PCDHGB2: variants seen among roughly 807,000 people sequenced by gnomAD.
PCDHGB2 encodes the protein protocadherin gamma-B2.
Under a neutral mutation model 59.3 loss-of-function variants are expected in PCDHGB2, and 55 were observed. That is an observed-to-expected ratio of 0.93 (90% CI 0.75 to 1.16). PCDHGB2 has a LOEUF of 1.16. Among genes scored for constraint, PCDHGB2 ranks in the 50% most tolerant of loss-of-function variants. PCDHGB2 has a pLI of 0.00. For missense variants in PCDHGB2, 1,228 were observed against 1,198.5 expected (o/e 1.02, Z -0.36); for synonymous variants, 516 against 512.0 (o/e 1.01, Z -0.11).
chr5:141,389,875 A>G (rs753159908), intron 1 of PCDHGB2: 2 of 1,613,946 alleles, frequency 1.2e-6, no homozygotes, highest in African/African-American at 2.7e-5. Flanking sequence ...GTCTTCGCCG[A>G]CAGCTTGCAG....
Position 141,361,727 on chromosome 5 carries a change from C to A in PCDHGB2, c.1592C>A (p.Thr531Lys). The change falls in exon 1 of 4, where the codon ACA (threonine) becomes AAA (lysine). Residue 531 changes from threonine (T) to lysine (K), a missense_variant. By Grantham distance (78) the Thr-to-Lys change is moderately conservative. Coordinates refer to ENST00000522605, the MANE Select transcript of PCDHGB2 (RefSeq NM_018923.3). ...DHEQLRAFELTLQARDQGSPA... is the reference protein window; with the variant it reads ...DHEQLRAFELKLQARDQGSPA... ...GAGCAGCTGCGCGCCTTCGAGCTCA[C>A]ACTGCAGGCCCGCGACCAGGGCTCG... 6.2e-7 allele frequency: 1 copy of A among 1,613,274 alleles called. No homozygotes were observed. The highest frequency in any genetic ancestry group is 8.5e-7 in the Non-Finnish European group (1 of 1,179,810).
intron 1 of PCDHGB2, among the ~76,000 whole-genome samples, chr5:141,472,935 A>G (rs1593400204): frequency 6.6e-6 from 1 of 150,778 alleles, no homozygotes; most frequent in East Asian, 1.9e-4. Context: ...GTGGTGAGCC[A>G]AGATTATGCC....
At position 141,432,307 on chromosome 5, in the gene PCDHGB2, G is replaced by A. The variant is rs2097484688; in HGVS notation, c.2422-62500G>A. On this transcript the variant is annotated intron_variant, in intron 1 of 3. Transcript: ENST00000522605. The surrounding 1 kb of genome is among the most constrained non-coding windows in gnomAD (Gnocchi z 6.0). ...ACTCCGACACTGGGGTACTGTATGC[G>A]CTGAGCTCCTTCGACTACGAGCAGT... The A allele has an allele frequency of 5.0e-6, 8 of 1,614,240 alleles. No individual in the cohort carries two copies. Among genetic ancestry groups the A allele is most frequent in the South Asian group, 1.1e-5 (1 of 91,086 alleles).
At chr5:141,410,295 T>A (rs1043971768) in intron 1 of PCDHGB2, 1 of 1,613,982 alleles carries the variant, frequency 6.2e-7, no homozygotes, top group Admixed American at 1.7e-5. Flanking sequence ...GCCTTGGCCT[T>A]AATCTCAGTG....
chr5:141,410,086 G>A (rs759204005), intron 1 of PCDHGB2: 3 of 1,612,588 alleles, frequency 1.9e-6, no homozygotes, highest in Non-Finnish European at 2.5e-6. Flanking sequence ...AGGTGCGCAC[G>A]GCTCGAGCCT....
chr5:141,409,164 C>G (rs115772303), intron 1 of PCDHGB2: 18 of 1,613,792 alleles, frequency 1.1e-5, no homozygotes, highest in Non-Finnish European at 1.4e-5. Flanking sequence ...GAAGTGGAAG[C>G]GAAGGACGGA....
chr5:141,491,143 C>A lies in PCDHGB2; in HGVS notation c.2422-3664C>A. 1.2e-6 allele frequency: 2 copies of A among 1,614,142 alleles called. No homozygotes were observed. Among genetic ancestry groups the A allele is most frequent in the South Asian group, 1.1e-5 (1 of 91,082 alleles). On this transcript the variant is annotated intron_variant, in intron 1 of 3. Transcript: ENST00000522605. This position sits in a 1 kb window ranked among gnomAD's most constrained non-coding sequence, Gnocchi z 6.9. ...TGAGGTGCGCACAGCCCGGGCCTTA[C>A]TGGAGGATGACTCTGACACCCAGCA... is the stretch of plus-strand genomic sequence containing the variant.
intron 1 of PCDHGB2, chr5:141,420,165 C>T: frequency 6.2e-7 from 1 of 1,614,022 alleles, no homozygotes; most frequent in South Asian, 1.1e-5. Flanking sequence ...AATTTTTTCA[C>T]ATCTGTTGAT....
intron 3 of PCDHGB2, among the ~76,000 whole-genome samples, chr5:141,509,065 T>A (rs1294546432): frequency 6.6e-6 from 1 of 152,018 alleles, no homozygotes; most frequent in Non-Finnish European, 1.5e-5. Context: ...AGCTCTCAGC[T>A]CCGGGGATTT....
At chr5:141,374,109 A>C (rs1422319467) in intron 1 of PCDHGB2, 1 of 1,576,270 alleles carries the variant, frequency 6.3e-7, no homozygotes, top group Admixed American at 1.8e-5. Flanking sequence ...AGGCATCCGC[A>C]GCGCAGCGAG....
chr5:141,365,027 C>T (rs1277837734), intron 1 of PCDHGB2: 1 of 1,613,896 alleles, frequency 6.2e-7, no homozygotes, highest in South Asian at 1.1e-5. Flanking sequence ...TGTTACGGTC[C>T]TCGACGCAAA....
In PCDHGB2 at chr5:141,431,627, C is replaced by T. The variant is rs769351473; in HGVS notation, c.2422-63180C>T. 2.5e-6 allele frequency: 4 copies of T among 1,614,076 alleles called. No homozygotes were observed. The South Asian group carries it at 4.4e-5, about 18-fold the overall frequency. On this transcript the variant is annotated intron_variant, in intron 1 of 3. Coordinates refer to ENST00000522605, the MANE Select transcript of PCDHGB2 (RefSeq NM_018923.3). The surrounding 1 kb of genome is among the most constrained non-coding windows in gnomAD (Gnocchi z 4.8). Reference sequence around the variant, plus strand: ...CCGGTATGTGGACGACAAGGCGGCCCAAGTTTTCAAACTAGATTGTAATTC... The same window carrying T: ...CCGGTATGTGGACGACAAGGCGGCCTAAGTTTTCAAACTAGATTGTAATTC...
At chr5:141,435,614 C>T (rs1274100711) in intron 1 of PCDHGB2, among the ~76,000 whole-genome samples, 1 of 152,056 alleles carries the variant, frequency 6.6e-6, no homozygotes, top group Non-Finnish European at 1.5e-5. Context: ...ACATTAAATT[C>T]CCCATAACTT....
Position 141,490,896 on chromosome 5 carries a change from G to A in PCDHGB2, c.2422-3911G>A. 6.2e-7 allele frequency: 1 copy of A among 1,613,938 alleles called. No homozygotes were observed. Among genetic ancestry groups the A allele is most frequent in the Non-Finnish European group, 8.5e-7 (1 of 1,179,922 alleles). ...TGCATGCCAACACATCTCTGCATGTGTTTGTCCTAGACGAGAATGATAATG... is the reference window on the plus strand; with the variant it reads ...TGCATGCCAACACATCTCTGCATGTATTTGTCCTAGACGAGAATGATAATG... On this transcript the variant is annotated intron_variant, in intron 1 of 3. Coordinates refer to ENST00000522605, the MANE Select transcript of PCDHGB2 (RefSeq NM_018923.3). This position sits in a 1 kb window ranked among gnomAD's most constrained non-coding sequence, Gnocchi z 5.4.
At chr5:141,472,408 G>T (rs780468341) in intron 1 of PCDHGB2, among the ~76,000 whole-genome samples, 1 of 152,064 alleles carries the variant, frequency 6.6e-6, no homozygotes, top group Non-Finnish European at 1.5e-5. Flanking sequence ...AGGCGTGGTG[G>T]CACGCACCTG....
intron 1 of PCDHGB2, among the ~76,000 whole-genome samples, chr5:141,447,747 C>A (rs1164160677): frequency 2.0e-5 from 3 of 152,106 alleles, no homozygotes; most frequent in Non-Finnish European, 4.4e-5. Flanking sequence ...AAGAGTCTTG[C>A]ATGTGACTGT....
At chr5:141,433,347 C>T (rs1207853986) in intron 1 of PCDHGB2, 3 of 626,596 alleles carry the variant, frequency 4.8e-6, no homozygotes, top group Non-Finnish European at 8.3e-6. Context: ...GTGCAAGCCA[C>T]CTACTGTCTG....
chr5:141,389,078 C>T, intron 1 of PCDHGB2: 1 of 1,614,002 alleles, frequency 6.2e-7, no homozygotes, highest in Non-Finnish European at 8.5e-7. Flanking sequence ...CTTCAAGAAA[C>T]ACGTATAAAT....
intron 1 of PCDHGB2, among the ~76,000 whole-genome samples, chr5:141,369,405 G>A (rs537824749): frequency 6.6e-6 from 1 of 152,288 alleles, no homozygotes; most frequent in Admixed American, 6.5e-5. Flanking sequence ...GGTGGTTCAT[G>A]ACTATAATCC....
Sources: gnomAD v4.1 joint callset for allele counts (sites outside exome capture counted in the v4.1 genomes callset) on GRCh38, gnomAD v4.1.1 for gene constraint, Gnocchi (gnomAD v3.1) non-coding constraint, MANE v1.5 for transcripts, NCBI Gene and HGNC (gene_info 2026-07-23, HGNC 2026-07-21) for gene names.